Variants in ZFP64 observed in about 807,000 individuals in gnomAD.
ZFP64 encodes zinc finger protein 64.
A neutral mutation model predicts 51.6 loss-of-function variants in ZFP64; 14 were observed. The ratio of observed to expected loss-of-function variants is 0.27; its 90% CI spans 0.18 to 0.42. The LOEUF (loss-of-function observed/expected upper bound fraction) is 0.42. Among genes scored for constraint, ZFP64 ranks in the 10% least tolerant of loss-of-function variants. The pLI, the probability that ZFP64 is intolerant of heterozygous loss-of-function variation, is 1.00. For missense variants in ZFP64, 754 were observed against 906.8 expected (o/e 0.83, Z 2.16); for synonymous variants, 375 against 361.4 (o/e 1.04, Z -0.43).
chr20:52,084,839 C>T (rs376384104), exon 9 of ZFP64: 5 of 1,614,074 alleles, frequency 3.1e-6, no homozygotes, highest in South Asian at 2.2e-5. Flanking sequence ...CCCGGTTCTC[C>T]GTCTTGGCCT....
chr20:52,173,581 G>A (rs767040395), intron 2 of ZFP64, among the ~76,000 whole-genome samples: 6 of 151,936 alleles, frequency 3.9e-5, no homozygotes, highest in African/African-American at 9.7e-5. Context: ...GAGCAAGACC[G>A]TCTCTAGAAA....
chr20:52,119,533 AATATAT>A (rs71192595), intron 5 of ZFP64, among the ~76,000 whole-genome samples: 1 of 89,840 alleles, frequency 1.1e-5, no homozygotes, highest in Non-Finnish European at 2.1e-5. Flanking sequence ...AAAAAAAAAA[AATATAT>A]ATATATATAT....
chr20:52,182,625 G>A (rs943540005), intron 2 of ZFP64, among the ~76,000 whole-genome samples: 3 of 152,168 alleles, frequency 2.0e-5, no homozygotes, highest in African/African-American at 4.8e-5. Flanking sequence ...AGGCTGAGGT[G>A]GGAGGATTGC....
intron 2 of ZFP64, among the ~76,000 whole-genome samples, chr20:52,172,822 G>A (rs188955799): frequency 3.9e-5 from 6 of 152,280 alleles, no homozygotes; most frequent in Non-Finnish European, 5.9e-5. Context: ...ACCCCAAGAA[G>A]CTCACAGCCT....
rs113657192 is a variant in ZFP64 at position 52,164,219 on chromosome 20, G to T, written c.511+476C>A. On this transcript the variant is annotated intron_variant, in intron 4 of 5. Transcript: ENST00000216923. ...TCCCAGGTATTCTGGAGGCTGAGGT[G>T]GGCGGGTCGAGTGCCACCGCACTCC... is the stretch of plus-strand genomic sequence containing the variant. Among the ~76,000 whole-genome samples, 295 of 152,246 alleles carry T rather than the reference G, an allele frequency of 1.9e-3. 1 individual carries two copies. The highest frequency in any genetic ancestry group is 6.7e-3 in the African/African-American group (280 of 41,564).
rs199678657 is a variant in ZFP64 at position 52,152,936 on chromosome 20, A to C, written c.1256T>G (p.Leu419Arg). The change falls in exon 6 of 6, where the codon CTG becomes CGG. Residue 419 changes from leucine (L) to arginine (R), a missense_variant. Around this residue, in one of 3 missense-constraint regions of ZFP64, gnomAD observed 428 missense variants for 472.4 expected, o/e 0.91. Coordinates refer to ENST00000216923, the MANE Select transcript of ZFP64 (RefSeq NM_018197.3). ...GRQSSRQVAK[L>R]DAKKSFHCDI... ...GCAGTGGAAACTCTTCTTGGCATCC[A>C]GCTTGGCCACCTGCCGGCTGCTCTG... is the stretch of plus-strand genomic sequence containing the variant. 3 of 1,613,768 alleles carry C rather than the reference A, an allele frequency of 1.9e-6. No homozygotes were observed. The highest frequency in any genetic ancestry group is 3.3e-5 in the Admixed American group (2 of 60,038).
intron 1 of ZFP64, among the ~76,000 whole-genome samples, chr20:52,187,485 G>A (rs1392695463): frequency 6.6e-6 from 1 of 152,050 alleles, no homozygotes; most frequent in Non-Finnish European, 1.5e-5. Context: ...AGCTGGGCAT[G>A]GTGGTGTGTG....
chr20:52,123,826 T>C (rs1215263486), intron 5 of ZFP64, among the ~76,000 whole-genome samples: 2 of 151,064 alleles, frequency 1.3e-5, no homozygotes, highest in East Asian at 3.9e-4. Flanking sequence ...GGGTGGTATG[T>C]CTGTTACAGA....
At chr20:52,109,685 GC>G (rs1338278465) in intron 5 of ZFP64, among the ~76,000 whole-genome samples, 1 of 151,152 alleles carries the variant, frequency 6.6e-6, no homozygotes, top group Non-Finnish European at 1.5e-5. Context: ...GGAGGCTGAG[GC>G]TGGAGAACTG....
chr20:52,116,224 C>T lies in ZFP64; in HGVS notation c.764-17637G>A, dbSNP rs1600722026. On this transcript the variant is annotated intron_variant, in intron 5 of 8. Coordinates refer to the ZFP64 transcript ENST00000361387. Reference sequence around the variant, plus strand: ...GATCTTGGCTTACTGTAACTTCCACCTCCCAGGTTCCAGCGATTCTCCTGC... The same window carrying T: ...GATCTTGGCTTACTGTAACTTCCACTTCCCAGGTTCCAGCGATTCTCCTGC... Among the ~76,000 whole-genome samples, 3 of 151,886 alleles carry T rather than the reference C, an allele frequency of 2.0e-5. No homozygotes were observed. The South Asian group carries it at 6.2e-4, about 32-fold the overall frequency.
intron 5 of ZFP64, among the ~76,000 whole-genome samples, chr20:52,102,633 CTG>C (rs2079065487): frequency 6.6e-6 from 1 of 152,144 alleles, no homozygotes; most frequent in Non-Finnish European, 1.5e-5. Context: ...TCAAGCAAGA[CTG>C]AAAACAAATC....
chr20:52,178,031 CAA>C (rs112472792), intron 2 of ZFP64, among the ~76,000 whole-genome samples: 25 of 86,092 alleles, frequency 2.9e-4, no homozygotes, highest in Admixed American at 7.1e-4. Flanking sequence ...GCCTCTGTCT[CAA>C]AAAAAAAAAA....
At chr20:52,150,136 C>T (rs1182511566), downstream of ZFP64, among the ~76,000 whole-genome samples, 1 of 147,512 alleles carries the variant, frequency 6.8e-6, no homozygotes, top group African/African-American at 2.5e-5. Context: ...ACCCGGGAGG[C>T]GGAGCTTGTA....
chr20:52,152,834 C>T lies in ZFP64; in HGVS notation c.1358G>A (p.Ser453Asn). The part of the protein sequence containing the change: ...HKRQHSEYSE[S>N]KNSDVTVLQF... ...GAGAACGGTCACGTCCGAGTTCTTA[C>T]TCTCACTGTACTCACTGTGCTGTCT... Residue 453 changes from serine (S) to asparagine (N), a missense_variant, in exon 6 of 6, where the codon AGT (serine) becomes AAT (asparagine). Physicochemically the swap from Ser to Asn is conservative, Grantham distance 46. Transcript: ENST00000216923. 1.2e-6 allele frequency: 2 copies of T among 1,614,142 alleles called. No individual in the cohort carries two copies. The highest frequency in any genetic ancestry group is 1.7e-6 in the Non-Finnish European group (2 of 1,180,000).
At chr20:52,094,951 G>A (rs879548115) in intron 7 of ZFP64, among the ~76,000 whole-genome samples, 4 of 152,126 alleles carry the variant, frequency 2.6e-5, no homozygotes, top group Non-Finnish European at 5.9e-5. Flanking sequence ...GCCCATGACG[G>A]GGAATAAGAC....
chr20:52,187,396 C>T (rs1020165082), intron 1 of ZFP64, among the ~76,000 whole-genome samples: 20 of 151,910 alleles, frequency 1.3e-4, no homozygotes, highest in African/African-American at 4.6e-4. Flanking sequence ...CTGAGGCGGG[C>T]GGATCACCTG....
intron 5 of ZFP64, among the ~76,000 whole-genome samples, chr20:52,103,307 T>A (rs2079073448): frequency 6.6e-6 from 1 of 152,200 alleles, no homozygotes; most frequent in African/African-American, 2.4e-5. Context: ...AAAAGCTACT[T>A]GAGTTGCAAA....
At chr20:52,106,099 G>C (rs1240248004) in intron 5 of ZFP64, among the ~76,000 whole-genome samples, 4 of 152,162 alleles carry the variant, frequency 2.6e-5, no homozygotes, top group Non-Finnish European at 4.4e-5. Flanking sequence ...CCCGTGACTC[G>C]GGCGCACCGG....
Position 52,191,453 on chromosome 20 carries a change from C to T in ZFP64, c.46+138G>A. The T allele has an allele frequency of 2.6e-6, 3 of 1,141,912 alleles. No homozygotes were observed. The highest frequency in any genetic ancestry group is 3.4e-6 in the Non-Finnish European group (3 of 876,038). The allele number at this position is 1,141,912 out of a possible 1,614,324, so 70.7% of individuals were successfully genotyped here. On this transcript the variant is annotated intron_variant, in intron 1 of 5. Coordinates refer to ENST00000216923, the MANE Select transcript of ZFP64 (RefSeq NM_018197.3). This position sits in a 1 kb window ranked among gnomAD's most constrained non-coding sequence, Gnocchi z 4.3. The stretch of plus-strand genomic sequence containing the variant: ...CCCTGCACAGCGCGCCCGCCGCGGT[C>T]CCCGAGACGCGGCTCCGAGCCGTCA...
Sources: gnomAD v4.1 joint callset for allele counts (sites outside exome capture counted in the v4.1 genomes callset) on GRCh38, gnomAD v4.1.1 for gene constraint, gnomAD v4.1.1 regional missense constraint, Gnocchi (gnomAD v3.1) non-coding constraint, MANE v1.5 for transcripts, NCBI Gene and HGNC (gene_info 2026-07-23, HGNC 2026-07-21) for gene names.